GALNT13: variants seen among roughly 807,000 people sequenced by gnomAD.
The protein encoded by GALNT13 is UDP-GalNAc:polypeptide N-acetylgalactosaminyltransferase 13.
A neutral mutation model predicts 64.2 loss-of-function variants in GALNT13; 28 were observed. That is an observed-to-expected ratio of 0.44 (90% CI 0.32 to 0.60). GALNT13 has a LOEUF of 0.60. Among genes scored for constraint, GALNT13 ranks in the 20% least tolerant of loss-of-function variants. The probability of loss-of-function intolerance (pLI) is 0.05; values close to 1 mark genes in which losing one functional copy is unlikely to be tolerated. For missense variants in GALNT13, 577 were observed against 669.8 expected (o/e 0.86, Z 1.53); for synonymous variants, 214 against 224.6 (o/e 0.95, Z 0.42).
chr2:153,786,160 C>G, the GALNT13 span, among the ~76,000 whole-genome samples: 1 of 152,168 alleles, frequency 6.6e-6, no homozygotes, highest in African/African-American at 2.4e-5. Context: ...CTGTAACTCA[C>G]CACTTCAATC....
At chr2:154,112,855 G>C (rs1322210070) in intron 3 of GALNT13, among the ~76,000 whole-genome samples, 3 of 152,186 alleles carry the variant, frequency 2.0e-5, no homozygotes, top group Non-Finnish European at 4.4e-5. Context: ...TAAGGCCACT[G>C]GTGCAGGCTT....
intron 9 of GALNT13, among the ~76,000 whole-genome samples, chr2:154,375,372 A>G (rs912149674): frequency 1.3e-5 from 2 of 152,140 alleles, no homozygotes; most frequent in Non-Finnish European, 2.9e-5. Flanking sequence ...GACAAGGAGG[A>G]AACACAGTAA....
At chr2:154,293,295 C>T (rs1692744257) in intron 8 of GALNT13, among the ~76,000 whole-genome samples, 1 of 152,116 alleles carries the variant, frequency 6.6e-6, no homozygotes, top group South Asian at 2.1e-4. Context: ...ATGCGGTATT[C>T]TAATTAGAAG....
the GALNT13 span, among the ~76,000 whole-genome samples, chr2:153,673,322 A>C: frequency 6.6e-6 from 1 of 152,226 alleles, no homozygotes; most frequent in Non-Finnish European, 1.5e-5. Context: ...AAATACTGGC[A>C]AAACAAATCC....
At chr2:153,957,204 T>C (rs921370944) in intron 3 of GALNT13, among the ~76,000 whole-genome samples, 5 of 152,210 alleles carry the variant, frequency 3.3e-5, no homozygotes, top group African/African-American at 1.2e-4. Context: ...ATTCAAGTTA[T>C]TTACAAAATT....
At chr2:153,102,292 T>C in the GALNT13 span, among the ~76,000 whole-genome samples, 4 of 133,102 alleles carry the variant, frequency 3.0e-5, no homozygotes, top group African/African-American at 1.0e-4. Flanking sequence ...AGAAAAATCA[T>C]TCATTCCTTT....
intron 2 of GALNT13, among the ~76,000 whole-genome samples, chr2:153,933,254 A>G (rs1690659786): frequency 6.6e-6 from 1 of 152,146 alleles, no homozygotes; most frequent in Non-Finnish European, 1.5e-5. Context: ...GTGGTTATCT[A>G]AGTCTCTTTG....
rs941814379 is a variant in GALNT13, at chr2:154,000,287, C to T, written c.142+55648C>T. Among the ~76,000 whole-genome samples the T allele has an allele frequency of 1.1e-4, 16 of 151,182 alleles. 1 individual carries two copies. Among genetic ancestry groups the T allele is most frequent in the African/African-American group, 3.4e-4 (14 of 40,884 alleles). On this transcript the variant is annotated intron_variant, in intron 3 of 12. Transcript: ENST00000392825. ...TAACACTGTTCATCGGTCTCTTATA[C>T]GTTTTTATTTCTATCTCATTTATTT...
chr2:153,431,110 A>G, the GALNT13 span, among the ~76,000 whole-genome samples: 1 of 151,410 alleles, frequency 6.6e-6, no homozygotes, highest in African/African-American at 2.4e-5. Context: ...AGATTGTGCC[A>G]CTGCACTCTA....
chr2:153,721,346 G>A, the GALNT13 span, among the ~76,000 whole-genome samples: 553 of 138,596 alleles, frequency 4.0e-3, 15 homozygotes, highest in Middle Eastern at 0.017. Context: ...AGTACCAGCC[G>A]CTGCAAAATC....
chr2:154,174,976 A>G (rs901287701), intron 4 of GALNT13, among the ~76,000 whole-genome samples: 2 of 152,168 alleles, frequency 1.3e-5, no homozygotes, highest in African/African-American at 4.8e-5. Context: ...AGATTTACTG[A>G]AGTTCTTATG....
chr2:154,206,781 C>G (rs1687479403), intron 4 of GALNT13, among the ~76,000 whole-genome samples: 1 of 149,182 alleles, frequency 6.7e-6, no homozygotes, highest in South Asian at 2.1e-4. Flanking sequence ...GAGACTCTGT[C>G]TCAAAAAACA....
At chr2:153,166,821 G>A in the GALNT13 span, among the ~76,000 whole-genome samples, 1 of 152,196 alleles carries the variant, frequency 6.6e-6, no homozygotes, top group Non-Finnish European at 1.5e-5. Flanking sequence ...GCGTAACCAG[G>A]TGGGTGACTC....
chr2:154,122,402 A>AT (rs1010863328), intron 3 of GALNT13, among the ~76,000 whole-genome samples: 6 of 151,662 alleles, frequency 4.0e-5, no homozygotes, highest in African/African-American at 1.5e-4. Context: ...TTTTTGTACT[A>AT]TTTTTTCTGG....
chr2:154,086,845 A>G (rs1366483344), intron 3 of GALNT13, among the ~76,000 whole-genome samples: 1 of 152,162 alleles, frequency 6.6e-6, no homozygotes, highest in Non-Finnish European at 1.5e-5. Flanking sequence ...TTAAAGATGA[A>G]GTGAATTTAT....
chr2:153,468,856 A>G, the GALNT13 span, among the ~76,000 whole-genome samples: 4,881 of 152,214 alleles, frequency 0.032, 104 homozygotes, highest in Middle Eastern at 0.071. Flanking sequence ...ACAATGTTAT[A>G]AATCACTGTG....
the GALNT13 span, among the ~76,000 whole-genome samples, chr2:153,652,665 C>G: frequency 6.6e-6 from 1 of 151,994 alleles, no homozygotes; most frequent in Non-Finnish European, 1.5e-5. Context: ...ATGACTGACA[C>G]GCACCTCTGC....
intron 3 of GALNT13, among the ~76,000 whole-genome samples, chr2:154,027,593 G>A (rs747418677): frequency 2.6e-5 from 4 of 151,970 alleles, no homozygotes; most frequent in Non-Finnish European, 5.9e-5. Flanking sequence ...AATAAGCTTA[G>A]AACTGTTTAA....
At chr2:153,502,114 T>G in the GALNT13 span, among the ~76,000 whole-genome samples, 4 of 152,208 alleles carry the variant, frequency 2.6e-5, no homozygotes, top group East Asian at 3.8e-4. Context: ...AATAGGTTTT[T>G]GGGGGAACAG....
Sources: allele counts gnomAD v4.1 joint callset (sites outside exome capture counted in the v4.1 genomes callset), GRCh38; gene constraint gnomAD v4.1.1; transcripts MANE v1.5; gene names NCBI Gene and HGNC (gene_info 2026-07-23, HGNC 2026-07-21).